PSG5: variants seen among roughly 807,000 people sequenced by gnomAD.
PSG5 encodes the protein pregnancy-specific beta-1-glycoprotein 5.
PSG5 carries 53 observed loss-of-function variants against 37.7 expected under a neutral mutation model. That is an observed-to-expected ratio of 1.41 (90% confidence interval 1.13 to 1.77). PSG5 has a LOEUF of 1.77. Ranked by LOEUF, PSG5 falls within the 40% of genes most tolerant of loss-of-function variation. The pLI is 0.00. For synonymous variants in PSG5, 221 were observed against 155.4 expected (o/e 1.42, Z -3.14); for missense variants, 547 against 405.2 (o/e 1.35, Z -3.00).
At chr19:43,183,000 G>C (rs1055552064) in intron 2 of PSG5, among the ~76,000 whole-genome samples, 1 of 150,840 alleles carries the variant, frequency 6.6e-6, no homozygotes, top group Non-Finnish European at 1.5e-5. Context: ...AGCCAGCCTA[G>C]TTAGAGGGAG....
chr19:43,182,338 C>T (rs1478126244), intron 2 of PSG5, among the ~76,000 whole-genome samples: 1 of 151,636 alleles, frequency 6.6e-6, no homozygotes, highest in Non-Finnish European at 1.5e-5. Context: ...TAACTAATTG[C>T]TCCTATAGAT....
chr19:43,183,895 A>T (rs1969185856), intron 2 of PSG5, among the ~76,000 whole-genome samples: 1 of 141,774 alleles, frequency 7.1e-6, no homozygotes, highest in Non-Finnish European at 1.5e-5. Context: ...CAAATAAGCT[A>T]AGTGGCAAAT....
Position 43,186,505 on chromosome 19 carries a change from C to T in PSG5, c.-100G>A, listed in dbSNP as rs1966948633. ...CTGTGCTGTCCTTCCTCCTTCTGTG[C>T]TGAGCCTCTCTCCAGGGCAGGAGCA... is the stretch of plus-strand genomic sequence containing the variant. On this transcript the variant is annotated 5_prime_UTR_variant, in exon 1 of 6. Coordinates refer to ENST00000342951, the MANE Select transcript of PSG5 (RefSeq NM_002781.4). The T allele has an allele frequency of 6.4e-7, 1 of 1,556,796 alleles. No individual in the cohort carries two copies.
chr19:43,172,864 G>A (rs983216337), intron 4 of PSG5, among the ~76,000 whole-genome samples: 6 of 151,582 alleles, frequency 4.0e-5, no homozygotes, highest in Middle Eastern at 3.4e-3. Context: ...CATTTTTGCA[G>A]AAAAAGACAA....
At position 43,184,700 on chromosome 19, in the gene PSG5, G is replaced by A. The variant is rs140599946; in HGVS notation, c.430+82C>T. 4.3e-4 allele frequency: 687 copies of A among 1,598,052 alleles called. 15 individuals carry two copies. In the East Asian group the frequency reaches 0.015, roughly 35 times the overall value. Reference sequence around the variant, plus strand: ...TAATGCAGAGAGGGACACAGGCACAGTGCAGGCCTGACAATCCTGTGTGTG... The same window carrying A: ...TAATGCAGAGAGGGACACAGGCACAATGCAGGCCTGACAATCCTGTGTGTG... On this transcript the variant is annotated intron_variant, in intron 2 of 5. Coordinates refer to ENST00000342951, the MANE Select transcript of PSG5 (RefSeq NM_002781.4).
rs1301686837 is a variant in PSG5, at chr19:43,175,993, G to T, written c.586C>A (p.Pro196Thr). 1.2e-6 allele frequency: 2 copies of T among 1,611,472 alleles called. No homozygotes were observed. Among genetic ancestry groups the T allele is most frequent in the Non-Finnish European group, 1.7e-6 (2 of 1,179,204 alleles). ...SLPVSPRVKR[P>T]IENRILILPS... is the part of the protein sequence containing the mutation. ...AGAATGAGGATCCTGTTTTCAATGG[G>T]TCGCTTTACCCTGGGACTGACCGGG... The change falls in exon 3 of 6, where the codon CCC (proline) becomes ACC (threonine). Residue 196 changes from proline (P) to threonine (T), a missense_variant. Transcript: ENST00000342951.
Position 43,167,985 on chromosome 19 carries a change from A to G in PSG5, c.*259T>C, listed in dbSNP as rs1304922668. 1 of 408,502 alleles carries G rather than the reference A, an allele frequency of 2.4e-6. No homozygotes were observed. Among genetic ancestry groups the G allele is most frequent in the Admixed American group, 4.4e-5 (1 of 22,494 alleles). The allele number at this position is 408,502 out of a possible 1,614,324, so 25.3% of individuals were successfully genotyped here. A position where few individuals can be genotyped will look rare whatever the true frequency, so the allele number is the denominator to read the frequency against. On this transcript the variant is annotated 3_prime_UTR_variant, in exon 6 of 6. Transcript: ENST00000342951. ...ATGCTTTTGATTATTTAGTCCAATA[A>G]CATGGAGTTTTTTTCTTCTTTGTCT...
At chr19:43,177,996 T>A (rs1206672519) in intron 2 of PSG5, among the ~76,000 whole-genome samples, 1 of 151,718 alleles carries the variant, frequency 6.6e-6, no homozygotes, top group Non-Finnish European at 1.5e-5. Context: ...GAATTGAAAT[T>A]CTTTTCTCAA....
chr19:43,174,529 C>T (rs568923897), intron 4 of PSG5: 1 of 838,226 alleles, frequency 1.2e-6, no homozygotes, highest in Non-Finnish European at 1.4e-6. Context: ...CAACCGGTGA[C>T]TTCAGAGCCA....
intron 2 of PSG5, among the ~76,000 whole-genome samples, chr19:43,176,737 G>A (rs1969020042): frequency 6.6e-6 from 1 of 150,470 alleles, no homozygotes; most frequent in African/African-American, 2.5e-5. Flanking sequence ...GGCAGAAAGT[G>A]GGGCAGTGTT....
intron 2 of PSG5, chr19:43,178,870 G>A (rs1350391919): frequency 6.2e-7 from 1 of 1,612,892 alleles, no homozygotes; most frequent in Non-Finnish European, 8.5e-7. Context: ...AGGAACAGAG[G>A]ATACTCACGG....
chr19:43,185,091 G>C lies in PSG5; in HGVS notation c.121C>G (p.Leu41Val). ...PITAQVTIEA[L>V]PPKVSEGKDV... Reference sequence around the variant, plus strand: ...TTCCCCTCGGAAACTTTGGGTGGCAGGGCTTCAATCGTGACTTGAGCAGTG... The same window carrying C: ...TTCCCCTCGGAAACTTTGGGTGGCACGGCTTCAATCGTGACTTGAGCAGTG... Residue 41 changes from leucine to valine, a missense_variant, in exon 2 of 6, where the codon CTG becomes GTG. Physicochemically the swap from Leu to Val is conservative, Grantham distance 32. Coordinates refer to ENST00000342951, the MANE Select transcript of PSG5 (RefSeq NM_002781.4). 4 of 1,611,848 alleles carry C rather than the reference G, an allele frequency of 2.5e-6. No homozygotes were observed. Among genetic ancestry groups the C allele is most frequent in the East Asian group, 2.2e-5 (1 of 44,864 alleles).
At chr19:43,181,300 G>A (rs575251629) in intron 2 of PSG5, among the ~76,000 whole-genome samples, 2 of 151,752 alleles carry the variant, frequency 1.3e-5, no homozygotes, top group African/African-American at 4.8e-5. Flanking sequence ...AATATTAAAT[G>A]TGAAGTTGAA....
rs1968867690 is a variant in PSG5 at position 43,169,937 on chromosome 19, G to A, written c.*40+118C>T. The stretch of plus-strand genomic sequence containing the variant: ...TGCAGGAATTAGTTCTGAGAAGCAG[G>A]AGTTTAGTGGAGGAAGGAGGAGATG... On this transcript the variant is annotated intron_variant, in intron 5 of 5. Transcript: ENST00000342951. 2.3e-5 allele frequency: 14 copies of A among 614,448 alleles called. No homozygotes were observed. In the Admixed American group the frequency reaches 3.0e-4, roughly 13 times the overall value. The allele number at this position is 614,448 out of a possible 1,614,324, so 38.1% of individuals were successfully genotyped here.
At chr19:43,169,447 T>C (rs908719937) in intron 5 of PSG5, among the ~76,000 whole-genome samples, 47 of 151,558 alleles carry the variant, frequency 3.1e-4, no homozygotes, top group Non-Finnish European at 5.9e-5. Flanking sequence ...AGACATAGCA[T>C]TGGAACTAAG....
intron 2 of PSG5, among the ~76,000 whole-genome samples, chr19:43,179,878 C>T (rs997085589): frequency 2.0e-5 from 3 of 151,710 alleles, no homozygotes; most frequent in African/African-American, 7.3e-5. Context: ...GACCATTGTT[C>T]CCTGTTCTGG....
chr19:43,178,744 G>A, intron 2 of PSG5: 2 of 1,589,852 alleles, frequency 1.3e-6, no homozygotes, highest in Non-Finnish European at 1.7e-6. Flanking sequence ...GCCTGGGGCA[G>A]AAAGTCATGG....
rs2094198817 is a variant in PSG5 at position 43,184,828 on chromosome 19, A to G, written c.384T>C (p.Gly128=). The change falls in exon 2 of 6, where the codon GGT becomes GGC. Residue 128 remains glycine (G), a synonymous_variant. Transcript: ENST00000342951. Reference sequence around the variant, plus strand: ...ATCCAGTTACTCCTCTAGTCCTATCACCTCGCTTTATGATGTGTAAGGTGT... The same window carrying G: ...ATCCAGTTACTCCTCTAGTCCTATCGCCTCGCTTTATGATGTGTAAGGTGT... ...GSYTLHIIKR[G]DRTRGVTGYF... The G allele has an allele frequency of 6.2e-7, 1 of 1,612,118 alleles. No individual in the cohort carries two copies. Among genetic ancestry groups the G allele is most frequent in the African/African-American group, 1.3e-5 (1 of 74,366 alleles).
intron 4 of PSG5, chr19:43,174,937 T>A: frequency 7.7e-7 from 1 of 1,302,176 alleles, no homozygotes; most frequent in East Asian, 2.5e-5. Context: ...CTCCTTCTCA[T>A]CCCTCTGTGA....
Sources: allele counts gnomAD v4.1 joint callset (sites outside exome capture counted in the v4.1 genomes callset), GRCh38; gene constraint gnomAD v4.1.1; transcripts MANE v1.5; gene names NCBI Gene and HGNC (gene_info 2026-07-23, HGNC 2026-07-21).